CFAP74: variants seen among roughly 807,000 people sequenced by gnomAD.
CFAP74 encodes cilia- and flagella-associated protein 74.
A neutral mutation model predicts 188.9 loss-of-function variants in CFAP74; 124 were observed. The observed-to-expected ratio is 0.66, with a 90% confidence interval of 0.57 to 0.76. The LOEUF (loss-of-function observed/expected upper bound fraction) is 0.76. Among genes scored for constraint, CFAP74 ranks in the 30% least tolerant of loss-of-function variants. The pLI, the probability that CFAP74 is intolerant of heterozygous loss-of-function variation, is 0.00. For synonymous variants in CFAP74, 956 were observed against 916.7 expected (o/e 1.04, Z -0.77); for missense variants, 2,198 against 2,165.2 (o/e 1.02, Z -0.30).
chr1:1,981,659 CAG>C (rs1656867868), intron 6 of CFAP74, among the ~76,000 whole-genome samples: 1 of 84,950 alleles, frequency 1.2e-5, no homozygotes, highest in Non-Finnish European at 2.3e-5. Flanking sequence ...CGGACAGACA[CAG>C]GGGCACGCAG....
In CFAP74 at chr1:1,960,028, A is replaced by G. The variant is rs1654962557; in HGVS notation, c.1697T>C (p.Phe566Ser). Residue 566 changes from phenylalanine (F) to serine (S), a missense_variant and splice_region_variant, in exon 15 of 39, where the codon TTT becomes TCT. Phe to Ser is a radical substitution (Grantham distance 155, BLOSUM62 -2). Transcript: ENST00000682832. Reference protein sequence around the residue: ...EHLRDFIHVDFDPPGPLSAGM... With the variant: ...EHLRDFIHVDSDPPGPLSAGM... ...GGCTGACAGGGGGCCAGGGGGGTCAAAGCTGCAGGACGTGACCCATAGCAC... is the reference window on the plus strand; with the variant it reads ...GGCTGACAGGGGGCCAGGGGGGTCAGAGCTGCAGGACGTGACCCATAGCAC... 2 of 1,592,308 alleles carry G rather than the reference A, an allele frequency of 1.3e-6. No individual in the cohort carries two copies. The highest frequency in any genetic ancestry group is 1.1e-5 in the South Asian group (1 of 89,034).
intron 1 of CFAP74, among the ~76,000 whole-genome samples, chr1:2,000,279 C>G (rs1437222543): frequency 6.6e-6 from 1 of 152,246 alleles, no homozygotes; most frequent in African/African-American, 2.4e-5. Context: ...CAGACAGCCC[C>G]ACAGCAAAAT....
At chr1:1,976,350 C>T (rs780344175) in intron 6 of CFAP74, among the ~76,000 whole-genome samples, 1 of 152,268 alleles carries the variant, frequency 6.6e-6, no homozygotes, top group South Asian at 2.1e-4. Context: ...AGTGAGTTCA[C>T]GGAAGATCTG....
At chr1:1,982,228 C>A (rs564023759) in intron 6 of CFAP74, among the ~76,000 whole-genome samples, 92 of 146,190 alleles carry the variant, frequency 6.3e-4, no homozygotes, top group African/African-American at 2.3e-3. Context: ...CGCGGGGACA[C>A]GCAGGACACC....
chr1:1,963,718 G>T, intron 14 of CFAP74, 31 bp downstream of exon 14: 1 of 1,421,642 alleles, frequency 7.0e-7, no homozygotes, highest in Non-Finnish European at 9.9e-7. Flanking sequence ...TCCCTGCACC[G>T]CGTCCCTCCC....
chr1:1,982,602 G>A (rs1184395843), intron 6 of CFAP74, among the ~76,000 whole-genome samples: 1 of 152,268 alleles, frequency 6.6e-6, no homozygotes. Context: ...TGCAGGGAAC[G>A]TTCCAGATGC....
intron 18 of CFAP74, among the ~76,000 whole-genome samples, chr1:1,950,876 T>C (rs1442731967): frequency 6.6e-6 from 1 of 152,184 alleles, no homozygotes; most frequent in Non-Finnish European, 1.5e-5. Context: ...AGAAAAACCT[T>C]TGCCTCACCT....
chr1:1,966,351 A>G lies in CFAP74; in HGVS notation c.1401+20T>C, dbSNP rs1045291714. ...GGCCGGGGTCCGTCTGCAAGCGTCT[A>G]AAGGAGCAGGAGCTGATACCTGGTA... On this transcript the variant is annotated intron_variant, in intron 12 of 38. Transcript: ENST00000682832. 2 of 1,487,524 alleles carry G rather than the reference A, an allele frequency of 1.3e-6. No homozygotes were observed. Among genetic ancestry groups the G allele is most frequent in the African/African-American group, 2.9e-5 (2 of 69,692 alleles). The allele number at this position is 1,487,524 out of a possible 1,614,324, so 92.1% of individuals were successfully genotyped here.
intron 18 of CFAP74, among the ~76,000 whole-genome samples, chr1:1,948,919 T>C (rs367859341): frequency 9.5e-5 from 6 of 63,376 alleles, no homozygotes; most frequent in East Asian, 4.4e-4. Context: ...TCCTTCCCTT[T>C]CCTTCCTTCC....
intron 1 of CFAP74, among the ~76,000 whole-genome samples, chr1:1,998,943 C>T (rs1467892416): frequency 6.6e-6 from 1 of 152,052 alleles, no homozygotes; most frequent in Non-Finnish European, 1.5e-5. Flanking sequence ...AGCTCATGTT[C>T]AAGCACTACA....
At chr1:1,957,175 C>G (rs367988585) in intron 16 of CFAP74, among the ~76,000 whole-genome samples, 2 of 152,194 alleles carry the variant, frequency 1.3e-5, no homozygotes, top group South Asian at 4.1e-4. Context: ...CCTTCCAGAA[C>G]GGGAGCACGC....
At chr1:1,948,105 T>TCA (rs1558013712) in intron 18 of CFAP74, among the ~76,000 whole-genome samples, 2 of 151,814 alleles carry the variant, frequency 1.3e-5, no homozygotes, top group African/African-American at 4.9e-5. Flanking sequence ...ACTCCTGACC[T>TCA]TGTGATCTGC....
chr1:1,936,077 C>T (rs2803321), intron 25 of CFAP74, among the ~76,000 whole-genome samples: 82,371 of 151,326 alleles, frequency 0.54, 22,612 homozygotes, highest in East Asian at 0.66. Flanking sequence ...ATTATCTGGG[C>T]GTGGTGGCGT....
chr1:1,972,348 C>A (rs1163649188), intron 8 of CFAP74, among the ~76,000 whole-genome samples: 1 of 152,234 alleles, frequency 6.6e-6, no homozygotes, highest in Non-Finnish European at 1.5e-5. Flanking sequence ...ATGGTGAGAA[C>A]ACAAGAGGTG....
At chr1:1,955,348 C>T (rs891716382) in intron 18 of CFAP74, 1 of 1,313,152 alleles carries the variant, frequency 7.6e-7, no homozygotes, top group Admixed American at 2.2e-5. Context: ...GCCACAGCTG[C>T]AGAGCTAGAC....
At chr1:1,951,338 T>G (rs189118715) in intron 18 of CFAP74, among the ~76,000 whole-genome samples, 195 of 152,308 alleles carry the variant, frequency 1.3e-3, no homozygotes, top group African/African-American at 4.5e-3. Flanking sequence ...AAAACCTGGG[T>G]GGGGACACAG....
At position 1,923,951 on chromosome 1, in the gene CFAP74, G is replaced by C; in HGVS notation, c.4235-22C>G. On this transcript the variant is annotated intron_variant, in intron 34 of 38. Coordinates refer to ENST00000682832, the MANE Select transcript of CFAP74 (RefSeq NM_001304360.2). This position sits in a 1 kb window ranked among gnomAD's most constrained non-coding sequence, Gnocchi z 6.3. ...GTCCCTGCGGGTAGGGTGGGGTGCA[G>C]TTTGGCCTTCTCCACCTGCAATCAC... The C allele has an allele frequency of 6.3e-7, 1 of 1,593,572 alleles. No homozygotes were observed. Among genetic ancestry groups the C allele is most frequent in the East Asian group, 2.2e-5 (1 of 44,746 alleles).
chr1:1,934,721 C>A (rs201520202), intron 25 of CFAP74, among the ~76,000 whole-genome samples: 1 of 25,642 alleles, frequency 3.9e-5, no homozygotes, highest in African/African-American at 1.6e-4. Flanking sequence ...GGGTGTTAGG[C>A]TGTAGGTACA....
rs267598255 is a variant in CFAP74, at chr1:1,985,467, G to C, written c.419C>G (p.Ala140Gly). Reference sequence around the variant, plus strand: ...CTCTGCAAACAGGCGTCTGGACACGGCCTGGAGGCGGCCCACAGCGGCCCT... The same window carrying C: ...CTCTGCAAACAGGCGTCTGGACACGCCCTGGAGGCGGCCCACAGCGGCCCT... ...GNMAAVGRLQ[A>G]VSRRLFAELE... is the part of the protein sequence containing the mutation. Residue 140 changes from alanine to glycine, a missense_variant, in exon 6 of 39, where the codon GCC (alanine) becomes GGC (glycine). By Grantham distance (60) the Ala-to-Gly change is moderately conservative. Transcript: ENST00000682832. The C allele has an allele frequency of 1.2e-6, 2 of 1,613,792 alleles. No homozygotes were observed. Among genetic ancestry groups the C allele is most frequent in the African/African-American group, 1.3e-5 (1 of 74,956 alleles).
Sources: allele counts gnomAD v4.1 joint callset (sites outside exome capture counted in the v4.1 genomes callset), GRCh38; gene constraint gnomAD v4.1.1; non-coding constraint Gnocchi (gnomAD v3.1); transcripts MANE v1.5; gene names NCBI Gene and HGNC (gene_info 2026-07-23, HGNC 2026-07-21).